The following EPHB1 variants were observed in gnomAD, a reference collection of about 807,000 sequenced individuals.
EPHB1 encodes ephrin type-B receptor 1.
EPHB1 carries 30 observed loss-of-function variants against 94.4 expected under a neutral mutation model. The ratio of observed to expected loss-of-function variants is 0.32; its 90% confidence interval spans 0.24 to 0.43. The LOEUF (loss-of-function observed/expected upper bound fraction) is 0.43. EPHB1 is among the 20% of genes least tolerant of loss of function. EPHB1 has a pLI of 1.00. For synonymous variants in EPHB1, 522 were observed against 489.1 expected, an observed-to-expected ratio of 1.07 and a Z score of -0.89; for missense variants, 1,055 against 1,308.3, an observed-to-expected ratio of 0.81 and a Z score of 2.99.
At chr3:135,044,332 A>G (rs568707417) in intron 3 of EPHB1, among the ~76,000 whole-genome samples, 1 of 152,318 alleles carries the variant, frequency 6.6e-6, no homozygotes, top group Non-Finnish European at 1.5e-5. Flanking sequence ...CTTTCCTGGC[A>G]GGGAGTGGCT....
chr3:135,255,103 CTCTTT>C, intron 15 of EPHB1, among the ~76,000 whole-genome samples: 1 of 150,586 alleles, frequency 6.6e-6, no homozygotes, highest in Non-Finnish European at 1.5e-5. Context: ...TGATTCCTCT[CTCTTT>C]TTTTATTAGT....
chr3:135,101,714 T>A (rs1939042899), intron 3 of EPHB1, among the ~76,000 whole-genome samples: 1 of 152,154 alleles, frequency 6.6e-6, no homozygotes, highest in Non-Finnish European at 1.5e-5. Flanking sequence ...GTTTAAAGCA[T>A]GAATTCTATG....
intron 3 of EPHB1, among the ~76,000 whole-genome samples, chr3:135,024,086 C>G (rs906161052): frequency 1.3e-5 from 2 of 152,180 alleles, no homozygotes; most frequent in African/African-American, 4.8e-5. Context: ...ACCACCAACA[C>G]TTGGTTCAGG....
chr3:135,050,629 T>C (rs541336828), intron 3 of EPHB1, among the ~76,000 whole-genome samples: 2 of 152,268 alleles, frequency 1.3e-5, no homozygotes, highest in South Asian at 4.1e-4. Context: ...GTGGGCCTAA[T>C]AGGAGGTGTT....
intron 1 of EPHB1, among the ~76,000 whole-genome samples, chr3:134,866,431 A>G (rs1315391857): frequency 6.6e-6 from 1 of 152,188 alleles, no homozygotes; most frequent in East Asian, 1.9e-4. Flanking sequence ...CCCAAAGGCC[A>G]TGCCCACTTC....
At chr3:135,242,458 C>T (rs1427174021) in intron 13 of EPHB1, among the ~76,000 whole-genome samples, 2 of 152,084 alleles carry the variant, frequency 1.3e-5, no homozygotes, top group Admixed American at 1.3e-4. Context: ...GGCAGCTGCT[C>T]GGAAGATTGA....
At chr3:135,005,255 C>G (rs1935354675) in intron 3 of EPHB1, among the ~76,000 whole-genome samples, 1 of 152,148 alleles carries the variant, frequency 6.6e-6, no homozygotes, top group African/African-American at 2.4e-5. Flanking sequence ...GGGGGTGCCT[C>G]CCAGTTAGGC....
At chr3:134,929,992 G>A (rs2038874030) in intron 2 of EPHB1, among the ~76,000 whole-genome samples, 1 of 152,174 alleles carries the variant, frequency 6.6e-6, no homozygotes, top group South Asian at 2.1e-4. Context: ...ATGCATGGAT[G>A]TTTAAGGCAG....
intron 11 of EPHB1, 118 bp downstream of exon 11, chr3:135,192,941 C>T (rs1576459372): frequency 7.5e-7 from 1 of 1,328,148 alleles, no homozygotes; most frequent in East Asian, 2.4e-5. Flanking sequence ...TGTGAATGGG[C>T]ATTGGAGATG....
intron 3 of EPHB1, among the ~76,000 whole-genome samples, chr3:135,070,453 C>A (rs1329158316): frequency 2.0e-5 from 3 of 152,140 alleles, no homozygotes; most frequent in African/African-American, 7.2e-5. Flanking sequence ...GACTTACGCA[C>A]CAGCATTACT....
chr3:135,238,971 T>C lies in EPHB1; in HGVS notation c.2347-2177T>C, dbSNP rs1242833700. Among the ~76,000 whole-genome samples the C allele has an allele frequency of 3.3e-5, 5 of 152,330 alleles. No individual in the cohort carries two copies. The East Asian group carries it at 9.6e-4, about 29-fold the overall frequency. On this transcript the variant is annotated intron_variant, in intron 12 of 15. Transcript: ENST00000398015. Reference sequence around the variant, plus strand: ...GCTGCTGCTTCACTGGATGAATTCTTCACCTCTCTTCCCAGCCGTGGGGAA... The same window carrying C: ...GCTGCTGCTTCACTGGATGAATTCTCCACCTCTCTTCCCAGCCGTGGGGAA...
intron 1 of EPHB1, among the ~76,000 whole-genome samples, chr3:134,859,234 T>C (rs975091141): frequency 2.0e-5 from 3 of 152,158 alleles, no homozygotes; most frequent in Admixed American, 1.3e-4. Context: ...GTCTCTTTAA[T>C]TGCACCTCCT....
At chr3:135,216,910 G>A (rs1943161772) in intron 12 of EPHB1, among the ~76,000 whole-genome samples, 1 of 152,054 alleles carries the variant, frequency 6.6e-6, no homozygotes, top group Non-Finnish European at 1.5e-5. Context: ...TGGTTGCAAA[G>A]CCCCATCTTT....
intron 3 of EPHB1, among the ~76,000 whole-genome samples, chr3:135,024,856 C>T (rs1207986582): frequency 6.6e-6 from 1 of 151,980 alleles, no homozygotes. Context: ...TGTCTTTTGA[C>T]TTCCCTTTAT....
In EPHB1 at chr3:134,946,745, C is replaced by T. The variant is rs114560313; in HGVS notation, c.124-4626C>T. Among the ~76,000 whole-genome samples the T allele has an allele frequency of 7.8e-4, 119 of 152,186 alleles. 1 individual carries two copies. The highest frequency in any genetic ancestry group is 2.7e-3 in the African/African-American group (114 of 41,494). On this transcript the variant is annotated intron_variant, in intron 2 of 15. Coordinates refer to ENST00000398015, the MANE Select transcript of EPHB1 (RefSeq NM_004441.5). ...CACAGGAGCTGGTGGTTTAAAAGAA[C>T]CTGGCATCTCTCTTGCTCCCTCTCT...
intron 1 of EPHB1, among the ~76,000 whole-genome samples, chr3:134,916,529 C>T (rs770540778): frequency 2.0e-5 from 3 of 152,218 alleles, no homozygotes; most frequent in African/African-American, 4.8e-5. Context: ...TAAGGCCTGG[C>T]GAGAATCGAG....
chr3:134,995,223 T>C (rs1232216186), intron 3 of EPHB1, among the ~76,000 whole-genome samples: 1 of 152,224 alleles, frequency 6.6e-6, no homozygotes, highest in African/African-American at 2.4e-5. Context: ...ATAAATGGAA[T>C]CATATGGTAT....
At position 134,827,386 on chromosome 3, in the gene EPHB1, C is replaced by CACAT. The variant is rs1553854486; in HGVS notation, c.58+31701_58+31704dup. On this transcript the variant is annotated intron_variant, in intron 1 of 15. Transcript: ENST00000398015. ...GTGCACACACACACACACACACACA[C>CACAT]ACATACACACACACTCCTTATGGGC... Among the ~76,000 whole-genome samples the CACAT allele has an allele frequency of 4.6e-5, 7 of 152,114 alleles. No individual in the cohort carries two copies. In the South Asian group the frequency reaches 1.0e-3, roughly 23 times the overall value.
intron 5 of EPHB1, among the ~76,000 whole-genome samples, chr3:135,150,888 A>C (rs1941171167): frequency 1.3e-5 from 2 of 152,168 alleles, no homozygotes; most frequent in Non-Finnish European, 2.9e-5. Flanking sequence ...TCTGAAGTGG[A>C]GCACCTGGGC....
Sources: gnomAD v4.1 joint callset for allele counts (sites outside exome capture counted in the v4.1 genomes callset) on GRCh38, gnomAD v4.1.1 for gene constraint, MANE v1.5 for transcripts, NCBI Gene and HGNC (gene_info 2026-07-23, HGNC 2026-07-21) for gene names.